Variants in ATG13 observed in about 807,000 individuals in gnomAD.
ATG13 encodes autophagy-related protein 13.
ATG13 carries 23 observed loss-of-function variants against 65.5 expected under a neutral mutation model. That is an observed-to-expected ratio of 0.35 (90% CI 0.25 to 0.50). The LOEUF (loss-of-function observed/expected upper bound fraction) is 0.50, where lower values mean the gene tolerates loss of function less well. ATG13 is among the 20% of genes least tolerant of loss of function. The pLI is 0.98. For synonymous variants in ATG13, 252 were observed against 245.2 expected, an observed-to-expected ratio of 1.03 and a Z score of -0.26; for missense variants, 566 against 677.0, an observed-to-expected ratio of 0.84 and a Z score of 1.82.
At chr11:46,634,756 C>T (rs1390589408) in intron 2 of ATG13, among the ~76,000 whole-genome samples, 2 of 152,010 alleles carry the variant, frequency 1.3e-5, no homozygotes, top group East Asian at 3.9e-4. Context: ...GGCTGGAGTG[C>T]AGTGGCACGA....
chr11:46,631,462 C>T (rs1173937832), intron 2 of ATG13, among the ~76,000 whole-genome samples: 1 of 152,172 alleles, frequency 6.6e-6, no homozygotes, highest in East Asian at 1.9e-4. Context: ...TTATCTTTTG[C>T]ACTTAAGTAG....
At chr11:46,618,384 C>G (rs1333798069) in intron 1 of ATG13, 1 of 152,468 alleles carries the variant, frequency 6.6e-6, no homozygotes, top group Non-Finnish European at 1.5e-5. Flanking sequence ...GGGTAAGTGG[C>G]TAAGCACCTT....
At chr11:46,637,975 A>G (rs944321532) in intron 2 of ATG13, among the ~76,000 whole-genome samples, 4 of 152,192 alleles carry the variant, frequency 2.6e-5, no homozygotes, top group Non-Finnish European at 5.9e-5. Flanking sequence ...TTTTGGGCCA[A>G]TGGTTTTTTG....
intron 2 of ATG13, among the ~76,000 whole-genome samples, chr11:46,642,304 G>GTTTTT (rs200225497): frequency 2.9e-4 from 31 of 107,908 alleles, no homozygotes; most frequent in Non-Finnish European, 4.0e-4. Context: ...ATTTTTGTGG[G>GTTTTT]TTTTTTTTTT....
At chr11:46,635,286 G>A (rs564797653) in intron 2 of ATG13, among the ~76,000 whole-genome samples, 8 of 152,238 alleles carry the variant, frequency 5.3e-5, no homozygotes, top group South Asian at 2.1e-4. Flanking sequence ...GATTACAGGC[G>A]TGAGCCACCG....
chr11:46,629,469 T>C (rs931000464), intron 1 of ATG13, among the ~76,000 whole-genome samples: 1 of 152,128 alleles, frequency 6.6e-6, no homozygotes, highest in Non-Finnish European at 1.5e-5. Flanking sequence ...TGATCTCAGC[T>C]CACTGCAACC....
At chr11:46,639,652 G>A (rs2055208853) in intron 2 of ATG13, among the ~76,000 whole-genome samples, 1 of 152,122 alleles carries the variant, frequency 6.6e-6, no homozygotes, top group African/African-American at 2.4e-5. Context: ...CGCCTCCCAG[G>A]GAGTTTGTGG....
chr11:46,649,857 C>T (rs930606647), intron 6 of ATG13, among the ~76,000 whole-genome samples: 2 of 152,112 alleles, frequency 1.3e-5, no homozygotes. Flanking sequence ...ATAGACAGCT[C>T]ATAGGATAGT....
intron 12 of ATG13, 97 bp from the exon 13 acceptor site, chr11:46,664,752 C>T (rs2061926139): frequency 8.8e-7 from 1 of 1,135,242 alleles, no homozygotes; most frequent in African/African-American, 1.5e-5. Flanking sequence ...GGAGCCATTC[C>T]TTATCTCTCT....
At chr11:46,646,323 A>G (rs1250258400) in intron 5 of ATG13, among the ~76,000 whole-genome samples, 3 of 151,764 alleles carry the variant, frequency 2.0e-5, no homozygotes, top group Admixed American at 1.3e-4. Flanking sequence ...TAATTTTTGT[A>G]TTTTTAGTAG....
In ATG13 at chr11:46,631,941, C is replaced by T. The variant is rs377456136; in HGVS notation, c.-14+1841C>T. Among the ~76,000 whole-genome samples, 5 of 152,134 alleles carry T rather than the reference C, an allele frequency of 3.3e-5. No homozygotes were observed. In the East Asian group the frequency reaches 9.6e-4, roughly 29 times the overall value. ...TGCATGTTCTCTTACACTTTGGGAA[C>T]CTCAAAGTGTTATTTGTTAGGAATT... On this transcript the variant is annotated intron_variant, in intron 2 of 18. Transcript: ENST00000683050.
chr11:46,624,292 C>T (rs2048720281), intron 1 of ATG13, among the ~76,000 whole-genome samples: 1 of 152,160 alleles, frequency 6.6e-6, no homozygotes, highest in Admixed American at 6.5e-5. Flanking sequence ...GGTGAGCCAC[C>T]ACAACCAGCC....
intron 1 of ATG13, among the ~76,000 whole-genome samples, chr11:46,619,805 G>A (rs1026061335): frequency 6.6e-6 from 1 of 151,842 alleles, no homozygotes; most frequent in East Asian, 2.0e-4. Context: ...CGAGGCAGGC[G>A]AATCATGAGG....
chr11:46,629,500 G>C (rs571479391), intron 1 of ATG13, among the ~76,000 whole-genome samples: 27 of 151,992 alleles, frequency 1.8e-4, no homozygotes, highest in African/African-American at 6.3e-4. Flanking sequence ...GAGTTGAAGC[G>C]ATTCTCCTGC....
intron 15 of ATG13, 103 bp from the exon 16 acceptor site, chr11:46,668,396 G>A (rs2062881334): frequency 4.3e-6 from 5 of 1,154,718 alleles, no homozygotes; most frequent in Non-Finnish European, 6.5e-6. Context: ...GGTCAGCATA[G>A]CTGTGTGAAC....
At chr11:46,633,026 A>ATATATATT (rs1212138126) in intron 2 of ATG13, among the ~76,000 whole-genome samples, 12 of 90,704 alleles carry the variant, frequency 1.3e-4, no homozygotes, top group African/African-American at 7.7e-4. Context: ...ATATATATAT[A>ATATATATT]TTTTTTTTTT....
In ATG13 at chr11:46,661,158, G is replaced by A. The variant is rs537429775; in HGVS notation, c.789+1673G>A. On this transcript the variant is annotated intron_variant, in intron 11 of 18. Coordinates refer to ENST00000683050, the MANE Select transcript of ATG13 (RefSeq NM_001346311.2). ...CTCCCACCTCAGTCTCCCAAGTACT[G>A]TTTTTGTAATTCCAAAAATTAAAAA... is the stretch of plus-strand genomic sequence containing the variant. 4.6e-5 allele frequency among the ~76,000 whole-genome samples: 7 copies of A among 152,228 alleles called. No homozygotes were observed. The South Asian group carries it at 1.5e-3, about 32-fold the overall frequency.
chr11:46,637,397 T>G (rs745630703), intron 2 of ATG13, among the ~76,000 whole-genome samples: 7 of 152,256 alleles, frequency 4.6e-5, no homozygotes, highest in Non-Finnish European at 1.0e-4. Context: ...TTCTCTGAAT[T>G]TTAATAATTT....
At chr11:46,656,134 A>G (rs1325474643) in intron 7 of ATG13, 99 bp from the exon 8 acceptor site, 3 of 1,050,140 alleles carry the variant, frequency 2.9e-6, no homozygotes, top group Non-Finnish European at 4.3e-6. Flanking sequence ...GCAGATGAGT[A>G]AGGAAGGCTT....
Sources: allele counts gnomAD v4.1 joint callset (sites outside exome capture counted in the v4.1 genomes callset), GRCh38; gene constraint gnomAD v4.1.1; transcripts MANE v1.5; gene names NCBI Gene and HGNC (gene_info 2026-07-23, HGNC 2026-07-21).